SYCP1: variants seen among roughly 807,000 people sequenced by gnomAD.
SYCP1 encodes the protein synaptonemal complex protein 1.
SYCP1 carries 64 observed loss-of-function variants against 153.1 expected under a neutral mutation model. The ratio of observed to expected loss-of-function variants is 0.42; its 90% CI spans 0.34 to 0.51. SYCP1 has a LOEUF of 0.51. Among genes scored for constraint, SYCP1 ranks in the 20% least tolerant of loss-of-function variants. SYCP1 has a pLI of 0.06. For missense variants in SYCP1, 997 were observed against 1,049.0 expected, an observed-to-expected ratio of 0.95 and a Z score of 0.68; for synonymous variants, 384 against 341.8, an observed-to-expected ratio of 1.12 and a Z score of -1.36.
chr1:114,901,194 T>A (rs547598995), intron 16 of SYCP1, among the ~76,000 whole-genome samples: 19 of 152,166 alleles, frequency 1.2e-4, no homozygotes, highest in Admixed American at 8.5e-4. Flanking sequence ...AGCAGAGGTC[T>A]CTCCCCACTC....
At chr1:114,972,489 A>T (rs747892782) in intron 27 of SYCP1, among the ~76,000 whole-genome samples, 12 of 151,990 alleles carry the variant, frequency 7.9e-5, no homozygotes, top group Admixed American at 3.3e-4. Flanking sequence ...GTTCTTTAAG[A>T]TGCATCATTA....
chr1:114,901,817 A>G (rs963222498), intron 16 of SYCP1, among the ~76,000 whole-genome samples: 1 of 152,266 alleles, frequency 6.6e-6, no homozygotes, highest in Non-Finnish European at 1.5e-5. Context: ...TCTTCCAAAA[A>G]GAAAAAAACC....
intron 29 of SYCP1, among the ~76,000 whole-genome samples, chr1:114,982,770 T>C (rs781685780): frequency 3.9e-5 from 6 of 151,992 alleles, no homozygotes; most frequent in Non-Finnish European, 8.8e-5. Flanking sequence ...ATTTGGGCCA[T>C]ACTTTCTTCT....
At chr1:114,989,530 G>A (rs1390741655) in intron 30 of SYCP1, among the ~76,000 whole-genome samples, 1 of 151,854 alleles carries the variant, frequency 6.6e-6, no homozygotes, top group Admixed American at 6.6e-5. Context: ...TACTTTAAAT[G>A]TAAATAGATT....
Position 114,856,959 on chromosome 1 carries a change from C to T in SYCP1, c.194-273C>T, listed in dbSNP as rs537287670. 4.4e-5 allele frequency among the ~76,000 whole-genome samples: 6 copies of T among 135,366 alleles called. No homozygotes were observed. The East Asian group carries it at 1.3e-3, about 29-fold the overall frequency. 88.8% of individuals were successfully genotyped at this position (135,366 alleles called of 152,430 possible). ...AAAAAAAAAAAACCAGCAAACAAAC[C>T]CCACCACCCCCAAAACTAGCTGGAC... On this transcript the variant is annotated intron_variant, in intron 3 of 31. Coordinates refer to ENST00000369522, the MANE Select transcript of SYCP1 (RefSeq NM_003176.4).
At chr1:114,919,997 T>G (rs1261110574) in intron 20 of SYCP1, among the ~76,000 whole-genome samples, 3 of 152,040 alleles carry the variant, frequency 2.0e-5, no homozygotes, top group Admixed American at 2.0e-4. Context: ...TTTCATTTAT[T>G]TCTGCTCTGA....
chr1:114,922,781 C>A (rs954680849), intron 20 of SYCP1, among the ~76,000 whole-genome samples: 1 of 152,156 alleles, frequency 6.6e-6, no homozygotes, highest in Non-Finnish European at 1.5e-5. Flanking sequence ...GAGTCTAACT[C>A]ATTCCACCAT....
intron 19 of SYCP1, 126 bp from the exon 20 acceptor site, chr1:114,913,849 G>C: frequency 1.7e-6 from 1 of 599,866 alleles, no homozygotes; most frequent in Non-Finnish European, 2.7e-6. Flanking sequence ...AAGTTGAAAA[G>C]CCCATTTTTT....
intron 27 of SYCP1, among the ~76,000 whole-genome samples, chr1:114,970,111 C>A (rs987233009): frequency 6.6e-6 from 1 of 152,150 alleles, no homozygotes; most frequent in Admixed American, 6.5e-5. Flanking sequence ...AGCCCCCTGT[C>A]CCCATATTTT....
chr1:114,980,005 T>G (rs919263394), intron 28 of SYCP1, among the ~76,000 whole-genome samples: 8 of 151,676 alleles, frequency 5.3e-5, no homozygotes, highest in South Asian at 4.2e-4. Flanking sequence ...TATTCCCTTT[T>G]TGTGTGTGTG....
chr1:114,932,578 G>A (rs1317729548), intron 23 of SYCP1, among the ~76,000 whole-genome samples: 1 of 152,182 alleles, frequency 6.6e-6, no homozygotes, highest in Non-Finnish European at 1.5e-5. Context: ...GCAGCCCACA[G>A]AGCGTGAGCT....
intron 15 of SYCP1, among the ~76,000 whole-genome samples, chr1:114,891,516 C>A (rs1030884714): frequency 2.0e-5 from 3 of 152,158 alleles, no homozygotes; most frequent in Admixed American, 1.3e-4. Context: ...GTACTGCATA[C>A]CAAGTGAGTT....
intron 23 of SYCP1, among the ~76,000 whole-genome samples, chr1:114,935,861 T>C (rs1056092619): frequency 2.0e-5 from 3 of 152,090 alleles, no homozygotes; most frequent in African/African-American, 7.2e-5. Flanking sequence ...CAGGAAGAAG[T>C]TGAATCACTG....
At chr1:114,897,507 G>A (rs550538151) in intron 16 of SYCP1, among the ~76,000 whole-genome samples, 3 of 152,248 alleles carry the variant, frequency 2.0e-5, no homozygotes, top group South Asian at 4.1e-4. Flanking sequence ...GGTATGTCAG[G>A]CTTCTAGGTT....
chr1:114,992,674 A>G (rs867571601), intron 30 of SYCP1, among the ~76,000 whole-genome samples: 1 of 151,820 alleles, frequency 6.6e-6, no homozygotes, highest in Middle Eastern at 3.4e-3. Context: ...AGCTAAAACT[A>G]TAAAACTATA....
rs796409063 is a variant in SYCP1 at position 114,970,873 on chromosome 1, G to C, written c.2323-6684G>C. Among the ~76,000 whole-genome samples the C allele has an allele frequency of 2.6e-5, 4 of 151,826 alleles. No individual in the cohort carries two copies. The South Asian group carries it at 6.2e-4, about 24-fold the overall frequency. On this transcript the variant is annotated intron_variant, in intron 27 of 31. Coordinates refer to ENST00000369522, the MANE Select transcript of SYCP1 (RefSeq NM_003176.4). ...GGTTGTAGTTTTGTTTAGTATGCTG[G>C]TTTTCTCAAATGCTGGTTATGCTGG...
At chr1:114,934,747 G>T (rs1330859792) in intron 23 of SYCP1, among the ~76,000 whole-genome samples, 1 of 151,856 alleles carries the variant, frequency 6.6e-6, no homozygotes, top group African/African-American at 2.4e-5. Flanking sequence ...AAAAAAGCAG[G>T]GGTTGCCATC....
chr1:114,880,716 T>G (rs1297808592), intron 12 of SYCP1, among the ~76,000 whole-genome samples: 2 of 152,220 alleles, frequency 1.3e-5, no homozygotes, highest in Non-Finnish European at 2.9e-5. Context: ...AGATGTCAGT[T>G]GTACTTTATC....
chr1:114,985,969 A>G (rs991555415), intron 30 of SYCP1, among the ~76,000 whole-genome samples: 1 of 151,928 alleles, frequency 6.6e-6, no homozygotes, highest in Non-Finnish European at 1.5e-5. Context: ...AGAAAGCAAT[A>G]CAACATAACT....
Sources: gnomAD v4.1 joint callset for allele counts (sites outside exome capture counted in the v4.1 genomes callset) on GRCh38, gnomAD v4.1.1 for gene constraint, MANE v1.5 for transcripts, NCBI Gene and HGNC (gene_info 2026-07-23, HGNC 2026-07-21) for gene names.